The following ADARB1 variants were observed in gnomAD, a reference collection of about 807,000 sequenced individuals.
The protein encoded by ADARB1 is adenosine deaminase RNA specific B1.
In ADARB1, 10 loss-of-function variants were observed where a neutral mutation model predicts 52.4. That is an observed-to-expected ratio of 0.19 (90% CI 0.12 to 0.32). The LOEUF is 0.32. ADARB1 is among the 10% of genes least tolerant of loss of function. The pLI is 1.00. For synonymous variants in ADARB1, 349 were observed against 371.1 expected (o/e 0.94, Z 0.68); for missense variants, 643 against 922.3 (o/e 0.70, Z 3.92).
rs1330166367 is a variant in ADARB1, at chr21:45,176,581, G to T, written c.880G>T (p.Ala294Ser). The T allele has an allele frequency of 6.2e-7, 1 of 1,614,184 alleles. No homozygotes were observed. Among genetic ancestry groups the T allele is most frequent in the Non-Finnish European group, 8.5e-7 (1 of 1,180,038 alleles). ...AKARAAQSAL[A>S]AIFNLHLDQT... ...GGCCCGGGCTGCGCAGTCTGCCCTG[G>T]CCGCCATTTTTAACTTGCACTTGGA... The change falls in exon 4 of 11, where the codon GCC (alanine) becomes TCC (serine). Residue 294 changes from alanine (A) to serine (S), a missense_variant. Coordinates refer to ENST00000348831, the MANE Select transcript of ADARB1 (RefSeq NM_001112.4). The surrounding 1 kb of genome is among the most constrained non-coding windows in gnomAD (Gnocchi z 5.8).
At chr21:45,112,167 T>C (rs760486255) in intron 1 of ADARB1, among the ~76,000 whole-genome samples, 2 of 152,236 alleles carry the variant, frequency 1.3e-5, no homozygotes, top group African/African-American at 2.4e-5. Flanking sequence ...GCCTCTGTCA[T>C]CAGGGAAGGA....
intron 1 of ADARB1, among the ~76,000 whole-genome samples, chr21:45,094,905 A>T (rs1042735803): frequency 2.0e-4 from 30 of 152,134 alleles, no homozygotes; most frequent in African/African-American, 6.3e-4. Context: ...CTGAGAGGCG[A>T]GGTTTGCACT....
intron 2 of ADARB1, among the ~76,000 whole-genome samples, chr21:45,161,668 G>T (rs910745048): frequency 6.6e-6 from 1 of 152,172 alleles, no homozygotes; most frequent in Admixed American, 6.5e-5. Context: ...ACAAGCTCCT[G>T]GGAAGAAAGG....
chr21:45,180,256 G>T lies in ADARB1; in HGVS notation c.964-74G>T, dbSNP rs542300080. On this transcript the variant is annotated intron_variant, in intron 4 of 10. Coordinates refer to ENST00000348831, the MANE Select transcript of ADARB1 (RefSeq NM_001112.4). ...TGTGTCACTCCATAAGGGAGAGTGC[G>T]TGCAGCATTGAGAGAGTGAGCCCTG... 1.6e-4 allele frequency: 171 copies of T among 1,039,420 alleles called. No individual in the cohort carries two copies. The African/African-American group carries it at 2.4e-3, about 15-fold the overall frequency. 64.4% of individuals were successfully genotyped at this position (1,039,420 alleles called of 1,614,324 possible).
At chr21:45,201,622 C>T (rs1601938043) in intron 8 of ADARB1, among the ~76,000 whole-genome samples, 1 of 152,102 alleles carries the variant, frequency 6.6e-6, no homozygotes, top group African/African-American at 2.4e-5. Flanking sequence ...TTTGTCCATT[C>T]GACACATATT....
At chr21:45,106,193 C>CTT (rs35544997) in intron 1 of ADARB1, among the ~76,000 whole-genome samples, 34,110 of 146,380 alleles carry the variant, frequency 0.23, 4,314 homozygotes, top group Middle Eastern at 0.32. Context: ...CCGTGGGAGG[C>CTT]TTTTTTTTTT....
chr21:45,117,824 C>T (rs1186478778), intron 1 of ADARB1, among the ~76,000 whole-genome samples: 1 of 152,132 alleles, frequency 6.6e-6, no homozygotes, highest in African/African-American at 2.4e-5. Context: ...CCTCTTTCTC[C>T]CTCCCCACCC....
intron 9 of ADARB1, among the ~76,000 whole-genome samples, chr21:45,219,439 G>A (rs754826471): frequency 7.9e-5 from 12 of 152,136 alleles, no homozygotes; most frequent in Non-Finnish European, 1.5e-4. Flanking sequence ...CAGGAGAATC[G>A]CTTGAACCCA....
intron 1 of ADARB1, chr21:45,118,745 C>T (rs1033570519): frequency 1.3e-5 from 2 of 152,220 alleles, no homozygotes; most frequent in African/African-American, 4.8e-5. Flanking sequence ...GGGATCACCC[C>T]TTAGAAAACC....
At chr21:45,192,737 C>T (rs372062580) in intron 8 of ADARB1, among the ~76,000 whole-genome samples, 52 of 152,170 alleles carry the variant, frequency 3.4e-4, no homozygotes, top group African/African-American at 1.2e-3. Context: ...TTACCAATAT[C>T]GGAATGGGAG....
intron 1 of ADARB1, among the ~76,000 whole-genome samples, chr21:45,091,544 C>G (rs768852514): frequency 5.9e-5 from 9 of 152,132 alleles, no homozygotes; most frequent in Non-Finnish European, 1.3e-4. Flanking sequence ...GACCTTATTC[C>G]CCACCAGCAT....
chr21:45,114,894 A>G (rs991406936), intron 1 of ADARB1, among the ~76,000 whole-genome samples: 2 of 152,264 alleles, frequency 1.3e-5, no homozygotes, highest in African/African-American at 2.4e-5. Flanking sequence ...TGGATCTTCA[A>G]GCAGGCAAAC....
rs2092998777 is a variant in ADARB1 at position 45,223,387 on chromosome 21, C to T, written c.*1190C>T. The T allele has an allele frequency of 1.0e-6, 1 of 985,744 alleles. No homozygotes were observed. The highest frequency in any genetic ancestry group is 1.2e-6 in the Non-Finnish European group (1 of 830,166). 61.1% of individuals were successfully genotyped at this position (985,744 alleles called of 1,614,324 possible). On this transcript the variant is annotated 3_prime_UTR_variant, in exon 11 of 11. Coordinates refer to ENST00000348831, the MANE Select transcript of ADARB1 (RefSeq NM_001112.4). ...CAGCGCCCAGCGTGCACGGGACGGC[C>T]CCACGACAGAGGGAGTCAGCCCGGG...
rs1331823832 is a variant in ADARB1, at chr21:45,224,305, G to A, written c.*2108G>A. The A allele has an allele frequency of 2.0e-6, 2 of 985,392 alleles. No individual in the cohort carries two copies. Among genetic ancestry groups the A allele is most frequent in the Non-Finnish European group, 2.4e-6 (2 of 830,022 alleles). 61.0% of individuals were successfully genotyped at this position (985,392 alleles called of 1,614,324 possible). The stretch of plus-strand genomic sequence containing the variant: ...GGTAATAGCTAAAGTCAGCATGATT[G>A]CTCCCTGTACCACCCCAAATAAGTG... On this transcript the variant is annotated 3_prime_UTR_variant, in exon 11 of 11. Transcript: ENST00000348831.
At chr21:45,196,311 A>G (rs2092424865) in intron 8 of ADARB1, among the ~76,000 whole-genome samples, 1 of 152,068 alleles carries the variant, frequency 6.6e-6, no homozygotes, top group Non-Finnish European at 1.5e-5. Context: ...AAAAAAAGCA[A>G]AAAAAATCAA....
intron 1 of ADARB1, among the ~76,000 whole-genome samples, chr21:45,078,212 A>T (rs542040697): frequency 2.0e-5 from 3 of 152,160 alleles, no homozygotes; most frequent in Non-Finnish European, 4.4e-5. Flanking sequence ...ACTCTGAGAT[A>T]CCTTGTATTT....
chr21:45,131,892 G>A (rs1040887948), intron 2 of ADARB1, among the ~76,000 whole-genome samples: 29 of 152,188 alleles, frequency 1.9e-4, no homozygotes, highest in African/African-American at 4.8e-4. Flanking sequence ...GTGTCCTGGC[G>A]CAGAGCTCCG....
rs2091531252 is a variant in ADARB1, at chr21:45,172,623, G to GT, written c.28+940dup. On this transcript the variant is annotated intron_variant, in intron 3 of 10. Coordinates refer to ENST00000348831, the MANE Select transcript of ADARB1 (RefSeq NM_001112.4). The surrounding 1 kb of genome is among the most constrained non-coding windows in gnomAD (Gnocchi z 4.4). ...ATTTCTGCATGGTATTGATTTCTGC[G>GT]TGGTATTGCTGCCCCATGGGTGTGC... Among the ~76,000 whole-genome samples, 1 of 152,160 alleles carries GT rather than the reference G, an allele frequency of 6.6e-6. No individual in the cohort carries two copies. The highest frequency in any genetic ancestry group is 1.5e-5 in the Non-Finnish European group (1 of 68,034).
rs1569194159 is a variant in ADARB1, at chr21:45,223,718, T to C, written c.*1521T>C. 2.0e-6 allele frequency: 2 copies of C among 985,024 alleles called. No individual in the cohort carries two copies. The highest frequency in any genetic ancestry group is 3.5e-5 in the African/African-American group (2 of 57,084). 61.0% of individuals were successfully genotyped at this position (985,024 alleles called of 1,614,324 possible). A position where few individuals can be genotyped will look rare whatever the true frequency, so the allele number is the denominator to read the frequency against. On this transcript the variant is annotated 3_prime_UTR_variant, in exon 11 of 11. Transcript: ENST00000348831. ...CCAGAGCAGGGGCAGAGGGGCGTCA[T>C]CCTCCCACCGGACGCTGGGAGCTCA...
Sources: allele counts gnomAD v4.1 joint callset (sites outside exome capture counted in the v4.1 genomes callset), GRCh38; gene constraint gnomAD v4.1.1; non-coding constraint Gnocchi (gnomAD v3.1); transcripts MANE v1.5; gene names NCBI Gene and HGNC (gene_info 2026-07-23, HGNC 2026-07-21).